Variants in C1QTNF6 observed in about 807,000 individuals in gnomAD.
C1QTNF6 encodes complement C1q tumor necrosis factor-related protein 6.
In C1QTNF6, 17 loss-of-function variants were observed where a neutral mutation model predicts 20.7. The ratio of observed to expected loss-of-function variants is 0.82; its 90% confidence interval spans 0.56 to 1.23. The LOEUF (loss-of-function observed/expected upper bound fraction) is 1.23. Ranked by LOEUF, C1QTNF6 falls within the 50% of genes most tolerant of loss-of-function variation. C1QTNF6 has a pLI of 0.00. For synonymous variants in C1QTNF6, 130 were observed against 156.3 expected (o/e 0.83, Z 1.25); for missense variants, 329 against 389.7 (o/e 0.84, Z 1.31).
chr22:37,187,984 C>A (rs1267528723), intron 1 of C1QTNF6, among the ~76,000 whole-genome samples, 179 bp downstream of exon 1: 1 of 152,008 alleles, frequency 6.6e-6, no homozygotes, highest in Non-Finnish European at 1.5e-5. Context: ...AAACCGGGAG[C>A]AGTGGAGCGC....
chr22:37,185,155 T>TCC lies in C1QTNF6; in HGVS notation c.289+61_289+62dup, dbSNP rs990747422. ...GACAGGTTTCCGCCCTGCCCTCTAC[T>TCC]CCCTCCACCTCAGCTCCCTGGCCCT... On this transcript the variant is annotated intron_variant, in intron 2 of 2. Coordinates refer to ENST00000337843, the MANE Select transcript of C1QTNF6 (RefSeq NM_031910.4). 3.1e-5 allele frequency: 47 copies of TCC among 1,495,716 alleles called. No individual in the cohort carries two copies. The African/African-American group carries it at 5.6e-4, about 18-fold the overall frequency. The allele number at this position is 1,495,716 out of a possible 1,614,324, so 92.7% of individuals were successfully genotyped here. A position where few individuals can be genotyped will look rare whatever the true frequency, so the allele number is the denominator to read the frequency against.
Position 37,185,445 on chromosome 22 carries a change from C to A in C1QTNF6, c.62G>T (p.Gly21Val), listed in dbSNP as rs229527. Reference protein sequence around the residue: ...GEATGHRVTMGTAALGPVWAA... With the variant: ...GEATGHRVTMVTAALGPVWAA... ...CCAGACGGGACCCAGGGCGGCTGTC[C>A]CCATGGTGACCTGGAACAAGGAAGG... is the stretch of plus-strand genomic sequence containing the variant. The change falls in exon 2 of 3, where the codon GGG (glycine) becomes GTG (valine). Residue 21 changes from glycine (G) to valine (V), a missense_variant. Gly to Val is a moderately radical substitution (Grantham distance 109). Coordinates refer to ENST00000337843, the MANE Select transcript of C1QTNF6 (RefSeq NM_031910.4). The A allele has an allele frequency of 0.43, 681,541 of 1,599,432 alleles. 147,086 individuals are homozygous for A. The highest frequency in any genetic ancestry group is 0.66 in the East Asian group (29,350 of 44,418).
At chr22:37,192,864 T>C (rs1230015261), upstream of C1QTNF6, among the ~76,000 whole-genome samples, 1 of 152,230 alleles carries the variant, frequency 6.6e-6, no homozygotes, top group Non-Finnish European at 1.5e-5. Flanking sequence ...GATTACTGAC[T>C]TCAGGGTGGA....
upstream of C1QTNF6, chr22:37,198,187 C>T (rs1925265057): frequency 6.6e-6 from 1 of 152,428 alleles, no homozygotes; most frequent in African/African-American, 2.4e-5. Flanking sequence ...GGTACAGGCC[C>T]TGCTTCCCCA....
intron 1 of C1QTNF6, among the ~76,000 whole-genome samples, chr22:37,186,658 A>G (rs887661398): frequency 6.6e-6 from 1 of 152,180 alleles, no homozygotes; most frequent in South Asian, 2.1e-4. Context: ...GTGGGCAGGA[A>G]GCCGGGCAAA....
rs1012876626 is a variant in C1QTNF6, at chr22:37,182,112, A to T, written c.*76T>A. 4 of 1,473,226 alleles carry T rather than the reference A, an allele frequency of 2.7e-6. No individual in the cohort carries two copies. The highest frequency in any genetic ancestry group is 3.6e-6 in the Non-Finnish European group (4 of 1,098,368). 91.3% of individuals were successfully genotyped at this position (1,473,226 alleles called of 1,614,324 possible). On this transcript the variant is annotated 3_prime_UTR_variant, in exon 3 of 3. Coordinates refer to ENST00000337843, the MANE Select transcript of C1QTNF6 (RefSeq NM_031910.4). Reference sequence around the variant, plus strand: ...GACCTCCCTGGCCTTCCTGCTTCACAGCAGTGCAAACTGAGCCCTGCAGGG... The same window carrying T: ...GACCTCCCTGGCCTTCCTGCTTCACTGCAGTGCAAACTGAGCCCTGCAGGG...
rs1923712642 is a variant in C1QTNF6 at position 37,180,948 on chromosome 22, C to T, written c.*1240G>A. ...AAATGCCCCCACACTCCTGGGTCCT[C>T]TCCTCACAGAACCCTTGACCTGGCC... On this transcript the variant is annotated 3_prime_UTR_variant, in exon 3 of 3. Transcript: ENST00000337843. The T allele has an allele frequency of 6.6e-6, 1 of 152,524 alleles. No individual in the cohort carries two copies. Among genetic ancestry groups the T allele is most frequent in the South Asian group, 2.1e-4 (1 of 4,840 alleles). 9.4% of individuals were successfully genotyped at this position (152,524 alleles called of 1,614,324 possible).
chr22:37,193,471 C>T (rs147699811), intron 2 of C1QTNF6, among the ~76,000 whole-genome samples: 67 of 151,194 alleles, frequency 4.4e-4, no homozygotes, highest in East Asian at 1.5e-3. Context: ...AAAATTAAGT[C>T]GACTGAAAAG....
chr22:37,196,094 C>T (rs937434361), intron 1 of C1QTNF6: 1 of 152,278 alleles, frequency 6.6e-6, no homozygotes, highest in East Asian at 1.9e-4. Flanking sequence ...GGCTCTGGTT[C>T]TAACACCTCT....
At position 37,184,086 on chromosome 22, in the gene C1QTNF6, T is replaced by C. The variant is rs1327602874; in HGVS notation, c.289+1132A>G. On this transcript the variant is annotated intron_variant, in intron 2 of 2. Transcript: ENST00000337843. This position sits in a 1 kb window ranked among gnomAD's most constrained non-coding sequence, Gnocchi z 4.0. ...GAGGGACCATCAGCAGCCAGGCACC[T>C]CTCCAACCTCATGCAGAGAGCTAAG... Among the ~76,000 whole-genome samples the C allele has an allele frequency of 6.6e-6, 1 of 151,940 alleles. No individual in the cohort carries two copies. The highest frequency in any genetic ancestry group is 1.5e-5 in the Non-Finnish European group (1 of 67,960).
intron 1 of C1QTNF6, chr22:37,186,157 CAGG>C: frequency 2.0e-6 from 2 of 985,082 alleles, no homozygotes; most frequent in Non-Finnish European, 2.4e-6. Flanking sequence ...GCTGAGCAGT[CAGG>C]AGAAGGAATA....
At chr22:37,187,597 T>A (rs1290807835) in intron 1 of C1QTNF6, among the ~76,000 whole-genome samples, 1 of 151,174 alleles carries the variant, frequency 6.6e-6, no homozygotes, top group Non-Finnish European at 1.5e-5. Flanking sequence ...AAAGTGTGCT[T>A]TGACTTCTTC....
In C1QTNF6 at chr22:37,180,752, G is replaced by A. The variant is rs1413730713; in HGVS notation, c.*1436C>T. ...GGCAGCTGGAGGCCCTGGGGAAACG[G>A]AAGTTCAGATGACTTTGGTGGAAGG... is the stretch of plus-strand genomic sequence containing the variant. On this transcript the variant is annotated 3_prime_UTR_variant, in exon 3 of 3. Transcript: ENST00000337843. 6.5e-6 allele frequency: 1 copy of A among 153,380 alleles called. No individual in the cohort carries two copies. Among genetic ancestry groups the A allele is most frequent in the East Asian group, 1.9e-4 (1 of 5,218 alleles). The allele number at this position is 153,380 out of a possible 1,614,324, so 9.5% of individuals were successfully genotyped here. A position where few individuals can be genotyped will look rare whatever the true frequency, so the allele number is the denominator to read the frequency against.
At chr22:37,191,134 C>G (rs1398326917), upstream of C1QTNF6, among the ~76,000 whole-genome samples, 1 of 152,056 alleles carries the variant, frequency 6.6e-6, no homozygotes, top group African/African-American at 2.4e-5. Context: ...TATAAACCAC[C>G]TTTTGAAGAG....
rs149742403 is a variant in C1QTNF6, at chr22:37,182,485, G to A, written c.540C>T (p.Thr180=). The change falls in exon 3 of 3, where the codon ACC becomes ACT. Residue 180 remains threonine, a synonymous_variant. Coordinates refer to ENST00000337843, the MANE Select transcript of C1QTNF6 (RefSeq NM_031910.4). ...VNLDGCFDMA[T]GQFAAPLRGI... ...CACGCAGGGGAGCAGCAAACTGGCC[G>A]GTCGCCATGTCAAAGCACCCATCAA... The A allele has an allele frequency of 5.3e-5, 85 of 1,614,252 alleles. No homozygotes were observed. The highest frequency in any genetic ancestry group is 3.6e-4 in the African/African-American group (27 of 75,070).
Position 37,182,343 on chromosome 22 carries a change from T to C in C1QTNF6, c.682A>G (p.Ile228Val), listed in dbSNP as rs1569062460. The change falls in exon 3 of 3, where the codon ATC becomes GTC. Residue 228 changes from isoleucine to valine, a missense_variant. By Grantham distance (29) the Ile-to-Val change is conservative. Coordinates refer to ENST00000337843, the MANE Select transcript of C1QTNF6 (RefSeq NM_031910.4). ...AGCATCACACTCTGGCTCTGCATGA[T>C]GCTGCGCTCGCTGGGCTGCGCGTAC... ...ILYAQPSERS[I>V]MQSQSVMLDL... 2 of 1,614,270 alleles carry C rather than the reference T, an allele frequency of 1.2e-6. No homozygotes were observed. The highest frequency in any genetic ancestry group is 1.7e-6 in the Non-Finnish European group (2 of 1,180,056).
At chr22:37,193,916 GAA>G (rs1320999748) in intron 2 of C1QTNF6, among the ~76,000 whole-genome samples, 1 of 152,250 alleles carries the variant, frequency 6.6e-6, no homozygotes, top group Non-Finnish European at 1.5e-5. Flanking sequence ...TCCCCAGTGT[GAA>G]GAGACAAAGC....
In C1QTNF6 at chr22:37,185,360, G is replaced by T; in HGVS notation, c.147C>A (p.Asp49Glu). The change falls in exon 2 of 3, where the codon GAC becomes GAA. Residue 49 changes from aspartate (D) to glutamate (E), a missense_variant. Asp to Glu is a conservative substitution (Grantham distance 45). Coordinates refer to ENST00000337843, the MANE Select transcript of C1QTNF6 (RefSeq NM_031910.4). ...GTTGGCAGCCGCTGGCCACAGCTCT[G>T]TCAAAGGTGAGCTCCACCATAGGGA... ...CEIPMVELTF[D>E]RAVASGCQRC... 1 of 1,613,876 alleles carries T rather than the reference G, an allele frequency of 6.2e-7. No individual in the cohort carries two copies. The highest frequency in any genetic ancestry group is 8.5e-7 in the Non-Finnish European group (1 of 1,179,958).
chr22:37,190,906 CAAG>C (rs959456485), upstream of C1QTNF6: 7 of 152,104 alleles, frequency 4.6e-5, no homozygotes, highest in African/African-American at 1.7e-4. Flanking sequence ...GTAAATAGCT[CAAG>C]AAGGGGGGGT....
Sources: gnomAD v4.1 joint callset for allele counts (sites outside exome capture counted in the v4.1 genomes callset) on GRCh38, gnomAD v4.1.1 for gene constraint, Gnocchi (gnomAD v3.1) non-coding constraint, MANE v1.5 for transcripts, NCBI Gene and HGNC (gene_info 2026-07-23, HGNC 2026-07-21) for gene names.